Variants in CHST4 observed in about 807,000 individuals in gnomAD.
CHST4 encodes carbohydrate sulfotransferase 4.
For synonymous variants in CHST4, 171 were observed against 195.5 expected (o/e 0.87, Z 1.05); for missense variants, 466 against 506.0 (o/e 0.92, Z 0.76).
chr16:71,526,215 C>T (rs180849276), upstream of CHST4: 2 of 152,332 alleles, frequency 1.3e-5, no homozygotes, highest in East Asian at 3.9e-4. Flanking sequence ...CCCAGCCCAC[C>T]TCAAGCAGTC....
intron 1 of CHST4, among the ~76,000 whole-genome samples, chr16:71,534,332 T>G (rs1292664817): frequency 1.3e-5 from 2 of 148,578 alleles, no homozygotes; most frequent in East Asian, 3.9e-4. Flanking sequence ...AAGATCTGAC[T>G]GGGCAACATT....
At chr16:71,530,425 A>G (rs2043939415) in intron 1 of CHST4, among the ~76,000 whole-genome samples, 1 of 152,190 alleles carries the variant, frequency 6.6e-6, no homozygotes, top group African/African-American at 2.4e-5. Flanking sequence ...TACACTGGAA[A>G]TTTATTGAAG....
intron 1 of CHST4, 118 bp from the exon 2 acceptor site, chr16:71,536,542 C>A (rs2043989403): frequency 3.4e-6 from 2 of 593,552 alleles, no homozygotes; most frequent in South Asian, 5.5e-5. Context: ...AATCCTCTGG[C>A]TTTCCATGTT....
At position 71,536,820 on chromosome 16, in the gene CHST4, T is replaced by C. The variant is rs778801673; in HGVS notation, c.143T>C (p.Leu48Pro). Residue 48 changes from leucine (L) to proline (P), a missense_variant, in exon 2 of 2, where the codon CTG (leucine) becomes CCG (proline). Transcript: ENST00000539698. ...CCCGAGCGCATGCACGTGCTGGTTCTGTCTTCCTGGCGCTCTGGCTCTTCT... is the reference window on the plus strand; with the variant it reads ...CCCGAGCGCATGCACGTGCTGGTTCCGTCTTCCTGGCGCTCTGGCTCTTCT... Reference protein sequence around the residue: ...AQPERMHVLVLSSWRSGSSFV... With the variant: ...AQPERMHVLVPSSWRSGSSFV... 3.4e-5 allele frequency: 52 copies of C among 1,536,768 alleles called. No individual in the cohort carries two copies. The highest frequency in any genetic ancestry group is 4.4e-5 in the Non-Finnish European group (50 of 1,142,612).
Position 71,538,614 on chromosome 16 carries a change from G to C in CHST4, c.*776G>C, listed in dbSNP as rs989511523. The C allele has an allele frequency of 6.0e-6, 1 of 166,500 alleles. No homozygotes were observed. Among genetic ancestry groups the C allele is most frequent in the Non-Finnish European group, 1.5e-5 (1 of 68,080 alleles). The allele number at this position is 166,500 out of a possible 1,614,324, so 10.3% of individuals were successfully genotyped here. ...AAGAATAGATGTAATCATCTTTATTGGTTTTTTAAAACACCTTTGCTATTA... is the reference window on the plus strand; with the variant it reads ...AAGAATAGATGTAATCATCTTTATTCGTTTTTTAAAACACCTTTGCTATTA... On this transcript the variant is annotated 3_prime_UTR_variant, in exon 2 of 2. Transcript: ENST00000539698.
chr16:71,528,185 G>C (rs934876019), intron 1 of CHST4, among the ~76,000 whole-genome samples: 2 of 150,192 alleles, frequency 1.3e-5, no homozygotes, highest in African/African-American at 4.9e-5. Flanking sequence ...GAGGAGTCGA[G>C]GTTGCAGTGA....
chr16:71,530,269 T>A (rs904244238), intron 1 of CHST4, among the ~76,000 whole-genome samples: 3 of 152,070 alleles, frequency 2.0e-5, no homozygotes, highest in Non-Finnish European at 4.4e-5. Context: ...TGCAAAAATC[T>A]CAGGGCTTTT....
chr16:71,532,882 A>C (rs915180511), intron 1 of CHST4, among the ~76,000 whole-genome samples: 3 of 152,226 alleles, frequency 2.0e-5, no homozygotes, highest in Non-Finnish European at 2.9e-5. Context: ...GAGGAAACTG[A>C]TTAAATAAAC....
At chr16:71,531,299 C>T (rs1046911475) in intron 1 of CHST4, among the ~76,000 whole-genome samples, 1 of 152,086 alleles carries the variant, frequency 6.6e-6, no homozygotes, top group Non-Finnish European at 1.5e-5. Context: ...GGAGCATCTG[C>T]CTCTGCTGCT....
chr16:71,534,785 T>C (rs1208796753), intron 1 of CHST4, among the ~76,000 whole-genome samples: 1 of 152,160 alleles, frequency 6.6e-6, no homozygotes, highest in Non-Finnish European at 1.5e-5. Context: ...CCACTTACCA[T>C]CTGGAAATCT....
Position 71,537,958 on chromosome 16 carries a change from G to C in CHST4, c.*120G>C. ...CATGTCTGTGGGTATCACACTGAGT[G>C]TGAGTTGTGTCCACACGTGCTCAAG... On this transcript the variant is annotated 3_prime_UTR_variant, in exon 2 of 2. Transcript: ENST00000539698. This position sits in a 1 kb window ranked among gnomAD's most constrained non-coding sequence, Gnocchi z 4.2. 2.2e-6 allele frequency: 2 copies of C among 917,040 alleles called. No homozygotes were observed. The highest frequency in any genetic ancestry group is 3.3e-6 in the Non-Finnish European group (2 of 603,900). The allele number at this position is 917,040 out of a possible 1,614,324, so 56.8% of individuals were successfully genotyped here. A position where few individuals can be genotyped will look rare whatever the true frequency, so the allele number is the denominator to read the frequency against.
At position 71,538,340 on chromosome 16, in the gene CHST4, A is replaced by T. The variant is rs2044009711; in HGVS notation, c.*502A>T. On this transcript the variant is annotated 3_prime_UTR_variant, in exon 2 of 2. Coordinates refer to ENST00000539698, the MANE Select transcript of CHST4 (RefSeq NM_001166395.2). ...GCCTACTTATGAGCTTGACCATCAC[A>T]GCTATCGGTAATCAGAAATATGAAA... 1 of 169,554 alleles carries T rather than the reference A, an allele frequency of 5.9e-6. No homozygotes were observed. Among genetic ancestry groups the T allele is most frequent in the African/African-American group, 2.4e-5 (1 of 41,500 alleles). The allele number at this position is 169,554 out of a possible 1,614,324, so 10.5% of individuals were successfully genotyped here. A position where few individuals can be genotyped will look rare whatever the true frequency, so the allele number is the denominator to read the frequency against.
At chr16:71,529,473 C>G (rs1405231739) in intron 1 of CHST4, among the ~76,000 whole-genome samples, 3 of 145,548 alleles carry the variant, frequency 2.1e-5, no homozygotes, top group Admixed American at 1.4e-4. Flanking sequence ...ACTTATGTTT[C>G]ATTCTCTTGA....
Position 71,537,619 on chromosome 16 carries a change from C to T in CHST4, c.942C>T (p.Gly314=). The change falls in exon 2 of 2, where the codon GGC becomes GGT. Residue 314 remains glycine, a synonymous_variant. Coordinates refer to ENST00000539698, the MANE Select transcript of CHST4 (RefSeq NM_001166395.2). This position sits in a 1 kb window ranked among gnomAD's most constrained non-coding sequence, Gnocchi z 4.2. ...TWVHNITRGK[G]MGDHAFHTNA... is the part of the protein sequence containing the mutation. ...TGCATAACATCACCCGAGGCAAGGG[C>T]ATGGGTGACCACGCTTTCCACACAA... 6.2e-7 allele frequency: 1 copy of T among 1,614,196 alleles called. No homozygotes were observed. The highest frequency in any genetic ancestry group is 1.3e-5 in the African/African-American group (1 of 75,062).
rs750232829 is a variant in CHST4 at position 71,537,712 on chromosome 16, A to C, written c.1035A>C (p.Arg345=). The C allele has an allele frequency of 3.1e-6, 5 of 1,614,162 alleles. No individual in the cohort carries two copies. In the South Asian group the frequency reaches 5.5e-5, roughly 18 times the overall value. The change falls in exon 2 of 2, where the codon CGA becomes CGC. Residue 345 remains arginine (R), a synonymous_variant. Transcript: ENST00000539698. The surrounding 1 kb of genome is among the most constrained non-coding windows in gnomAD (Gnocchi z 4.2). ...RWSLPYEKVS[R]LQKACGDAMN... The stretch of plus-strand genomic sequence containing the variant: ...CTTTGCCCTATGAAAAGGTTTCTCG[A>C]CTTCAGAAAGCCTGTGGCGATGCCA...
chr16:71,536,900 G>A lies in CHST4; in HGVS notation c.223G>A (p.Ala75Thr), dbSNP rs750686624. The change falls in exon 2 of 2, where the codon GCC becomes ACC. Residue 75 changes from alanine to threonine, a missense_variant. Ala to Thr is a moderately conservative substitution (Grantham distance 58). Coordinates refer to ENST00000539698, the MANE Select transcript of CHST4 (RefSeq NM_001166395.2). ...AGATGTTTTCTACCTGATGGAGCCC[G>A]CCTGGCACGTGTGGATGACCTTCAA... Reference protein sequence around the residue: ...HPDVFYLMEPAWHVWMTFKQS... With the variant: ...HPDVFYLMEPTWHVWMTFKQS... 1.7e-5 allele frequency: 27 copies of A among 1,598,226 alleles called. No individual in the cohort carries two copies. The highest frequency in any genetic ancestry group is 4.5e-5 in the South Asian group (4 of 88,696).
chr16:71,529,100 GT>G (rs1597034343), intron 1 of CHST4, among the ~76,000 whole-genome samples: 1 of 145,388 alleles, frequency 6.9e-6, no homozygotes, highest in African/African-American at 2.6e-5. Context: ...TTTTGTTTTT[GT>G]TTTTTGTTTT....
chr16:71,528,074 G>A (rs1239613445), intron 1 of CHST4, among the ~76,000 whole-genome samples: 6 of 151,834 alleles, frequency 4.0e-5, no homozygotes, highest in Non-Finnish European at 7.4e-5. Context: ...TCAGGAGTTC[G>A]AGACCTGCCT....
intron 1 of CHST4, among the ~76,000 whole-genome samples, chr16:71,531,762 C>T (rs1012731162): frequency 1.3e-5 from 2 of 152,118 alleles, no homozygotes; most frequent in South Asian, 4.1e-4. Flanking sequence ...AATTATAAGC[C>T]CTGCTTATAA....
Sources: allele counts gnomAD v4.1 joint callset (sites outside exome capture counted in the v4.1 genomes callset), GRCh38; gene constraint gnomAD v4.1.1; non-coding constraint Gnocchi (gnomAD v3.1); transcripts MANE v1.5; gene names NCBI Gene and HGNC (gene_info 2026-07-23, HGNC 2026-07-21).